Variants in FOXJ3 observed in about 807,000 individuals in gnomAD.
The protein encoded by FOXJ3 is forkhead box J3, also known as forkhead box protein J3.
In FOXJ3, 22 loss-of-function variants were observed where a neutral mutation model predicts 76.1. The ratio of observed to expected loss-of-function variants is 0.29; its 90% CI spans 0.21 to 0.41. The LOEUF is 0.41. Among genes scored for constraint, FOXJ3 ranks in the 10% least tolerant of loss-of-function variants. The probability of loss-of-function intolerance (pLI) is 1.00; values close to 1 mark genes in which losing one functional copy is unlikely to be tolerated. For missense variants in FOXJ3, 613 were observed against 762.1 expected, an observed-to-expected ratio of 0.80 and a Z score of 2.30; for synonymous variants, 269 against 261.2, an observed-to-expected ratio of 1.03 and a Z score of -0.29.
chr1:42,307,523 A>G (rs1654541358), intron 2 of FOXJ3, among the ~76,000 whole-genome samples: 1 of 152,160 alleles, frequency 6.6e-6, no homozygotes, highest in African/African-American at 2.4e-5. Flanking sequence ...CTAGTTATCA[A>G]TTCTATTAAA....
At chr1:42,206,821 T>TTTCTTC (rs57608774) in intron 5 of FOXJ3, among the ~76,000 whole-genome samples, 10 of 151,810 alleles carry the variant, frequency 6.6e-5, no homozygotes, top group African/African-American at 1.2e-4. Context: ...TCAGGTCTTA[T>TTTCTTC]TTCTTCTTCT....
At chr1:42,238,975 T>A (rs753882452) in intron 4 of FOXJ3, among the ~76,000 whole-genome samples, 1 of 152,018 alleles carries the variant, frequency 6.6e-6, no homozygotes, top group Non-Finnish European at 1.5e-5. Flanking sequence ...CTTATTTCTC[T>A]TGGTAATGTT....
At chr1:42,199,033 A>C (rs1646707717) in intron 7 of FOXJ3, 69 bp downstream of exon 7, 1 of 1,269,278 alleles carries the variant, frequency 7.9e-7, no homozygotes, top group South Asian at 1.5e-5. Flanking sequence ...TTTGCATTTC[A>C]ATTATGTTTG....
In FOXJ3 at chr1:42,278,568, C is replaced by G; in HGVS notation, c.149G>C (p.Gly50Ala). 6.2e-7 allele frequency: 1 copy of G among 1,614,082 alleles called. No individual in the cohort carries two copies. Reference sequence around the variant, plus strand: ...TGCATTCTTCTTAGAAATTCCTGTTCCATGTGCATTTTGTGTAGCATCAGA... The same window carrying G: ...TGCATTCTTCTTAGAAATTCCTGTTGCATGTGCATTTTGTGTAGCATCAGA... ...QKSDATQNAH[G>A]TGISKKNALL... The change falls in exon 3 of 13, where the codon GGA (glycine) becomes GCA (alanine). Residue 50 changes from glycine (G) to alanine (A), a missense_variant. Transcript: ENST00000361346.
At position 42,191,482 on chromosome 1, in the gene FOXJ3, G is replaced by C. The variant is rs765143421; in HGVS notation, c.1172C>G (p.Pro391Arg). ...PHPPHRPHGLPQHPQRSPHPA... is the reference protein window; with the variant it reads ...PHPPHRPHGLRQHPQRSPHPA... ...GTGTGGGGAACGCTGCGGATGCTGC[G>C]GTAAACCATGCGGTCGATGGGGAGG... The change falls in exon 9 of 13, where the codon CCG becomes CGG. Residue 391 changes from proline (P) to arginine (R), a missense_variant. Transcript: ENST00000361346. 2 of 1,613,896 alleles carry C rather than the reference G, an allele frequency of 1.2e-6. No individual in the cohort carries two copies. Among genetic ancestry groups the C allele is most frequent in the Admixed American group, 3.3e-5 (2 of 59,998 alleles).
At chr1:42,278,884 A>C (rs1308372475) in intron 2 of FOXJ3, among the ~76,000 whole-genome samples, 1 of 152,168 alleles carries the variant, frequency 6.6e-6, no homozygotes, top group Non-Finnish European at 1.5e-5. Context: ...AAAACATAAC[A>C]AACTTGGTTT....
chr1:42,179,277 C>T lies in FOXJ3; in HGVS notation c.*433G>A, dbSNP rs1004344453. 120 of 152,874 alleles carry T rather than the reference C, an allele frequency of 7.8e-4. 1 individual carries two copies. The highest frequency in any genetic ancestry group is 3.8e-4 in the Non-Finnish European group (26 of 68,116). 9.5% of individuals were successfully genotyped at this position (152,874 alleles called of 1,614,324 possible). A position where few individuals can be genotyped will look rare whatever the true frequency, so the allele number is the denominator to read the frequency against. On this transcript the variant is annotated 3_prime_UTR_variant, in exon 13 of 13. Transcript: ENST00000361346. ...AAAATAGCCTAACAAGGAATAAAAA[C>T]TGACAATAACTTTCAAGACATAATA...
chr1:42,303,534 A>C (rs1654283600), intron 2 of FOXJ3, among the ~76,000 whole-genome samples: 1 of 152,212 alleles, frequency 6.6e-6, no homozygotes, highest in Non-Finnish European at 1.5e-5. Context: ...TTTCAAGAGG[A>C]GGGAAATGAG....
At chr1:42,208,694 A>G (rs1351119470) in intron 5 of FOXJ3, among the ~76,000 whole-genome samples, 5 of 152,212 alleles carry the variant, frequency 3.3e-5, no homozygotes, top group African/African-American at 9.7e-5. Flanking sequence ...TAGCCAAAGC[A>G]ATTAGGCAAG....
intron 5 of FOXJ3, among the ~76,000 whole-genome samples, chr1:42,221,629 T>C (rs946402507): frequency 6.6e-6 from 1 of 151,916 alleles, no homozygotes; most frequent in African/African-American, 2.4e-5. Context: ...TATTTTTTTT[T>C]TCTTTTGGTA....
At chr1:42,292,165 G>A (rs1653479916) in intron 2 of FOXJ3, among the ~76,000 whole-genome samples, 1 of 152,148 alleles carries the variant, frequency 6.6e-6, no homozygotes, top group South Asian at 2.1e-4. Flanking sequence ...TTAGTTATTA[G>A]GGAAATGCAA....
chr1:42,307,217 C>T (rs961468642), intron 2 of FOXJ3, among the ~76,000 whole-genome samples: 1 of 152,072 alleles, frequency 6.6e-6, no homozygotes, highest in African/African-American at 2.4e-5. Flanking sequence ...GTTTCCAACA[C>T]TTGCAGAACT....
chr1:42,234,321 T>C (rs1160367122), intron 4 of FOXJ3, among the ~76,000 whole-genome samples: 1 of 152,154 alleles, frequency 6.6e-6, no homozygotes, highest in Non-Finnish European at 1.5e-5. Flanking sequence ...TTCAAGGTTT[T>C]TAACTTCTTT....
chr1:42,282,548 C>T (rs1433392078), intron 2 of FOXJ3, among the ~76,000 whole-genome samples: 1 of 152,070 alleles, frequency 6.6e-6, no homozygotes, highest in Non-Finnish European at 1.5e-5. Context: ...AAGCTTTCTA[C>T]CCTCACCTCC....
intron 1 of FOXJ3, among the ~76,000 whole-genome samples, chr1:42,327,708 A>T (rs1440106831): frequency 6.6e-6 from 1 of 152,130 alleles, no homozygotes; most frequent in Non-Finnish European, 1.5e-5. Flanking sequence ...AAAAAAGATG[A>T]TTCCAATTTA....
chr1:42,306,290 ACTTTTTT>A (rs1234243367), intron 2 of FOXJ3, among the ~76,000 whole-genome samples: 2 of 136,760 alleles, frequency 1.5e-5, no homozygotes, highest in African/African-American at 2.8e-5. Context: ...CACTCTCTGA[ACTTTTTT>A]CTTTTTTTTT....
At chr1:42,208,687 C>A (rs1166034619) in intron 5 of FOXJ3, among the ~76,000 whole-genome samples, 2 of 152,242 alleles carry the variant, frequency 1.3e-5, no homozygotes, top group Admixed American at 6.5e-5. Context: ...GATGGCCTAG[C>A]CAAAGCAATT....
chr1:42,249,769 G>T (rs1013670320), intron 4 of FOXJ3, among the ~76,000 whole-genome samples: 3 of 152,174 alleles, frequency 2.0e-5, no homozygotes, highest in South Asian at 2.1e-4. Context: ...ACAATTGAAT[G>T]GAACAGATCA....
At chr1:42,326,572 A>G (rs1337730081) in intron 1 of FOXJ3, among the ~76,000 whole-genome samples, 1 of 152,152 alleles carries the variant, frequency 6.6e-6, no homozygotes, top group Non-Finnish European at 1.5e-5. Flanking sequence ...TCAATGTCTA[A>G]ATTTTATAGA....
Sources: allele counts gnomAD v4.1 joint callset (sites outside exome capture counted in the v4.1 genomes callset), GRCh38; gene constraint gnomAD v4.1.1; transcripts MANE v1.5; gene names NCBI Gene and HGNC (gene_info 2026-07-23, HGNC 2026-07-21).